Variants in PRKDC observed in about 807,000 individuals in gnomAD.
The protein encoded by PRKDC is DNA-dependent protein kinase catalytic subunit.
In PRKDC, 82 loss-of-function variants were observed where a neutral mutation model predicts 486.9. The observed-to-expected ratio is 0.17, with a 90% confidence interval of 0.14 to 0.20. The LOEUF is 0.20. Among genes scored for constraint, PRKDC ranks in the 10% least tolerant of loss-of-function variants. The pLI, the probability that PRKDC is intolerant of heterozygous loss-of-function variation, is 1.00. For synonymous variants in PRKDC, 1,895 were observed against 1,837.0 expected (o/e 1.03, Z -0.81); for missense variants, 4,504 against 5,038.2 (o/e 0.89, Z 3.21).
intron 68 of PRKDC, among the ~76,000 whole-genome samples, chr8:47,814,939 T>G (rs1239936689): frequency 6.6e-5 from 10 of 152,090 alleles, no homozygotes; most frequent in Admixed American, 3.9e-4. Context: ...GAGGTGGGCG[T>G]GTTGCTTGAG....
At chr8:47,929,825 G>A (rs567014624) in intron 18 of PRKDC, 28 bp downstream of exon 18, 2 of 1,574,382 alleles carry the variant, frequency 1.3e-6, no homozygotes, top group East Asian at 2.3e-5. Context: ...AAAAACGCAA[G>A]ATTCAACATC....
chr8:47,900,496 C>G lies in PRKDC; in HGVS notation c.3270-29G>C, dbSNP rs747983980. On this transcript the variant is annotated intron_variant, in intron 27 of 85. Coordinates refer to ENST00000314191, the MANE Select transcript of PRKDC (RefSeq NM_006904.7). ...TAAAATAAAGAATAGGAAACCTCAC[C>G]TAAGAAAACAATAAAGCAGAAAGGA... The G allele has an allele frequency of 3.3e-6, 5 of 1,523,316 alleles. No homozygotes were observed. In the Admixed American group the frequency reaches 9.6e-5, roughly 29 times the overall value. 94.4% of individuals were successfully genotyped at this position (1,523,316 alleles called of 1,614,324 possible).
At chr8:47,863,630 T>C (rs759959196) in intron 41 of PRKDC, 53 bp from the exon 42 acceptor site, 2 of 1,392,434 alleles carry the variant, frequency 1.4e-6, no homozygotes, top group Non-Finnish European at 2.0e-6. Context: ...ATGAAATACA[T>C]CTTATAGAAT....
At chr8:47,956,977 C>CAAAAAAAAAAAAAAAAAAAAAAAA (rs2090713226) in intron 3 of PRKDC, among the ~76,000 whole-genome samples, 194 bp downstream of exon 3, 4 of 11,444 alleles carry the variant, frequency 3.5e-4, no homozygotes, top group Non-Finnish European at 4.3e-4. Flanking sequence ...AACTCCTTCT[C>CAAAAAAAAAAAAAAAAAAAAAAAA]CAAAAAAAAA....
intron 18 of PRKDC, among the ~76,000 whole-genome samples, chr8:47,929,609 T>A (rs1241825401): frequency 6.6e-6 from 1 of 152,220 alleles, no homozygotes; most frequent in East Asian, 1.9e-4. Context: ...CCTGGGACCA[T>A]ACTTTGAGAG....
At chr8:47,932,531 T>C (rs559518834) in intron 16 of PRKDC, among the ~76,000 whole-genome samples, 54 of 152,312 alleles carry the variant, frequency 3.5e-4, no homozygotes, top group African/African-American at 1.2e-3. Context: ...CCATGACTTA[T>C]CTTTAACTCA....
chr8:47,902,817 T>C (rs2089713007), intron 26 of PRKDC, 22 bp from the exon 27 acceptor site: 4 of 1,554,936 alleles, frequency 2.6e-6, no homozygotes, highest in Non-Finnish European at 3.5e-6. Flanking sequence ...CAAAGAGACC[T>C]TGATTGTACT....
In PRKDC at chr8:47,834,257, C is replaced by T. The variant is rs1298171021; in HGVS notation, c.8091G>A (p.Gly2697=). The change falls in exon 59 of 86, where the codon GGG becomes GGA. Residue 2697 remains glycine, a synonymous_variant. Transcript: ENST00000314191. ...CCAGCCTTTTTTTCCCAAAATCAGG[C>T]CCCACTGACTTCAAGGGTGCTCTCT... is the stretch of plus-strand genomic sequence containing the variant. The part of the protein sequence containing the change: ...RLQRAPLKSV[G]PDFGKKRLGL... 3.1e-6 allele frequency: 5 copies of T among 1,614,026 alleles called. No individual in the cohort carries two copies. Among genetic ancestry groups the T allele is most frequent in the Non-Finnish European group, 4.2e-6 (5 of 1,179,898 alleles).
intron 7 of PRKDC, among the ~76,000 whole-genome samples, chr8:47,949,894 T>C (rs772226890): frequency 9.9e-5 from 15 of 152,168 alleles, no homozygotes; most frequent in Non-Finnish European, 1.9e-4. Context: ...AAAAAAATCA[T>C]TGGATATAAG....
At chr8:47,916,100 T>C (rs1192781858) in intron 22 of PRKDC, among the ~76,000 whole-genome samples, 1 of 152,182 alleles carries the variant, frequency 6.6e-6, no homozygotes, top group Non-Finnish European at 1.5e-5. Context: ...TGTTGACACA[T>C]TTCATTATAT....
chr8:47,780,051 A>C (rs897659003), intron 80 of PRKDC, among the ~76,000 whole-genome samples: 2 of 149,374 alleles, frequency 1.3e-5, no homozygotes, highest in Non-Finnish European at 3.0e-5. Context: ...AGTGGCTGGG[A>C]TTACAGGCGC....
chr8:47,831,169 G>T (rs566266047), intron 60 of PRKDC, among the ~76,000 whole-genome samples: 1 of 152,128 alleles, frequency 6.6e-6, no homozygotes, highest in Non-Finnish European at 1.5e-5. Context: ...TGCCCCGGGG[G>T]CGCAGCCCGG....
intron 1 of PRKDC, among the ~76,000 whole-genome samples, chr8:47,958,624 C>T (rs1350529028): frequency 6.6e-6 from 1 of 152,126 alleles, no homozygotes; most frequent in African/African-American, 2.4e-5. Context: ...AAATTTGAAA[C>T]CCTGAGAAGA....
chr8:47,955,478 A>G (rs1160316901), intron 4 of PRKDC, among the ~76,000 whole-genome samples: 2 of 151,080 alleles, frequency 1.3e-5, no homozygotes, highest in Non-Finnish European at 3.0e-5. Context: ...AAAAAAAAAA[A>G]AAAAAAAAAG....
intron 54 of PRKDC, among the ~76,000 whole-genome samples, chr8:47,843,641 T>C (rs1489029670): frequency 1.3e-5 from 2 of 152,084 alleles, no homozygotes; most frequent in Admixed American, 1.3e-4. Flanking sequence ...TAAAGGCAGC[T>C]AGAAATAAGG....
Position 47,807,277 on chromosome 8 carries a change from C to T in PRKDC, c.9607G>A (p.Asp3203Asn), listed in dbSNP as rs763080551. The T allele has an allele frequency of 1.2e-6, 2 of 1,609,456 alleles. No homozygotes were observed. The highest frequency in any genetic ancestry group is 2.2e-5 in the East Asian group (1 of 44,732). Residue 3203 changes from aspartate (D) to asparagine (N), a missense_variant, in exon 69 of 86, where the codon GAT becomes AAT. By Grantham distance (23) the Asp-to-Asn change is conservative. This residue lies in a region of PRKDC where 1,592 missense variants were observed against 1,724.6 expected (regional missense o/e 0.92). Transcript: ENST00000314191. ...TCTTGATCCACATTCATACTATTAT[C>T]TTCTGGAAGAGGGGTAAGCTTCTCC... ...IEEKLTPLPE[D>N]NSMNVDQDGD...
intron 70 of PRKDC, 75 bp downstream of exon 70, chr8:47,803,231 C>G (rs559615989): frequency 1.4e-6 from 2 of 1,407,574 alleles, no homozygotes; most frequent in Non-Finnish European, 1.9e-6. Context: ...TGATGCAGCA[C>G]AAAGAAGAGG....
intron 63 of PRKDC, 107 bp from the exon 64 acceptor site, chr8:47,824,103 A>G (rs2087670993): frequency 9.1e-7 from 1 of 1,101,202 alleles, no homozygotes; most frequent in Admixed American, 3.8e-5. Flanking sequence ...TATATTAACA[A>G]GAGACATAAA....
At chr8:47,886,234 T>C (rs918412867) in intron 35 of PRKDC, 87 bp from the exon 36 acceptor site, 6 of 1,128,736 alleles carry the variant, frequency 5.3e-6, no homozygotes, top group Admixed American at 3.0e-5. Flanking sequence ...AACTTTGAAA[T>C]TGGAAAATGA....
Sources: gnomAD v4.1 joint callset for allele counts (sites outside exome capture counted in the v4.1 genomes callset) on GRCh38, gnomAD v4.1.1 for gene constraint, gnomAD v4.1.1 regional missense constraint, MANE v1.5 for transcripts, NCBI Gene and HGNC (gene_info 2026-07-23, HGNC 2026-07-21) for gene names.